CRPPA: variants seen among roughly 807,000 people sequenced by gnomAD.
The protein encoded by CRPPA is D-ribitol-5-phosphate cytidylyltransferase.
CRPPA carries 43 observed loss-of-function variants against 52.0 expected under a neutral mutation model. The observed-to-expected ratio is 0.83, with a 90% confidence interval of 0.65 to 1.07. The LOEUF is 1.07. CRPPA is among the 50% of genes least tolerant of loss of function. CRPPA has a pLI of 0.00. For synonymous variants in CRPPA, 250 were observed against 203.5 expected (o/e 1.23, Z -1.94); for missense variants, 629 against 551.7 (o/e 1.14, Z -1.40).
chr7:16,286,944 A>C (rs1463268535), intron 5 of CRPPA, among the ~76,000 whole-genome samples: 1 of 152,198 alleles, frequency 6.6e-6, no homozygotes, highest in Non-Finnish European at 1.5e-5. Context: ...ATATCTATGC[A>C]TTATGCACCA....
intron 8 of CRPPA, among the ~76,000 whole-genome samples, chr7:16,254,653 G>A (rs1303575013): frequency 1.3e-5 from 2 of 151,694 alleles, no homozygotes; most frequent in Non-Finnish European, 2.9e-5. Context: ...CGAGTTACTG[G>A]TTACAGCATA....
intron 3 of CRPPA, among the ~76,000 whole-genome samples, chr7:16,325,457 C>T (rs1785361662): frequency 1.3e-5 from 2 of 152,108 alleles, no homozygotes; most frequent in Non-Finnish European, 2.9e-5. Flanking sequence ...GTCTCTTTTC[C>T]TTGCAAACAC....
intron 3 of CRPPA, among the ~76,000 whole-genome samples, chr7:16,334,694 A>T (rs376743597): frequency 2.0e-4 from 31 of 152,268 alleles, no homozygotes; most frequent in African/African-American, 7.5e-4. Context: ...TGAGCCAGTG[A>T]TCTTACCAGA....
intron 3 of CRPPA, among the ~76,000 whole-genome samples, chr7:16,336,696 G>C: frequency 6.6e-6 from 1 of 151,994 alleles, no homozygotes; most frequent in East Asian, 1.9e-4. Context: ...AGGCAAAAGT[G>C]GTTGGAGTAA....
intron 1 of CRPPA, among the ~76,000 whole-genome samples, chr7:16,410,601 T>C (rs187634146): frequency 5.3e-4 from 80 of 152,262 alleles, no homozygotes; most frequent in Non-Finnish European, 8.8e-4. Context: ...ATGATCTTTC[T>C]CAAGCACAAA....
At chr7:16,118,581 A>G (rs1385246754) in intron 9 of CRPPA, among the ~76,000 whole-genome samples, 2 of 152,206 alleles carry the variant, frequency 1.3e-5, no homozygotes, top group African/African-American at 4.8e-5. Flanking sequence ...AGCACAAGTG[A>G]GATAATCTGT....
At chr7:16,289,732 G>A (rs2128420499) in intron 5 of CRPPA, among the ~76,000 whole-genome samples, 1 of 152,234 alleles carries the variant, frequency 6.6e-6, no homozygotes, top group South Asian at 2.1e-4. Flanking sequence ...TATACTGAAT[G>A]GAGAAAAGCT....
intron 2 of CRPPA, among the ~76,000 whole-genome samples, chr7:16,383,028 C>T (rs142989474): frequency 0.012 from 1,779 of 152,356 alleles, 41 homozygotes; most frequent in African/African-American, 0.041. Context: ...TGTTCCATTG[C>T]TGGTGAGGAA....
intron 3 of CRPPA, among the ~76,000 whole-genome samples, chr7:16,353,418 C>T (rs976391363): frequency 1.3e-5 from 2 of 152,014 alleles, no homozygotes; most frequent in Non-Finnish European, 2.9e-5. Flanking sequence ...TGGTGGTTAC[C>T]AGAGGCTGGA....
intron 3 of CRPPA, among the ~76,000 whole-genome samples, chr7:16,349,824 G>A (rs1203807387): frequency 6.6e-6 from 1 of 151,704 alleles, no homozygotes; most frequent in Non-Finnish European, 1.5e-5. Flanking sequence ...GAAAACAGAA[G>A]AAACATAAAA....
chr7:16,420,603 C>T (rs1788304110), intron 1 of CRPPA, among the ~76,000 whole-genome samples: 1 of 152,200 alleles, frequency 6.6e-6, no homozygotes, highest in South Asian at 2.1e-4. Context: ...TTAGCGCAGC[C>T]TGTCTCACAG....
At position 16,254,851 on chromosome 7, in the gene CRPPA, GA is replaced by G. The variant is rs1562588926; in HGVS notation, c.1119+3538del. 7.0e-4 allele frequency among the ~76,000 whole-genome samples: 97 copies of G among 139,266 alleles called. 1 individual carries two copies. The highest frequency in any genetic ancestry group is 1.2e-3 in the Non-Finnish European group (80 of 64,264). The allele number at this position is 139,266 out of a possible 152,430, so 91.4% of individuals were successfully genotyped here. A position where few individuals can be genotyped will look rare whatever the true frequency, so the allele number is the denominator to read the frequency against. Reference sequence around the variant, plus strand: ...AAAGAAAGAAAGAAAGAAAGAGAAAGAAGAAAGAAAGAAAGAAAGAGGCAGG... The same window carrying G: ...AAAGAAAGAAAGAAAGAAAGAGAAAGAGAAAGAAAGAAAGAAAGAGGCAGG... On this transcript the variant is annotated intron_variant, in intron 8 of 9. Transcript: ENST00000407010.
rs529368734 is a variant in CRPPA, at chr7:16,221,622, G to C, written c.1120-5425C>G. ...AAGAAAAAAACAAACAACCCCATCA[G>C]AAAGTGGGCGAAGGACATGAACAGA... On this transcript the variant is annotated intron_variant, in intron 8 of 9. Transcript: ENST00000407010. 3.1e-3 allele frequency among the ~76,000 whole-genome samples: 468 copies of C among 151,690 alleles called. 1 individual carries two copies. Among genetic ancestry groups the C allele is most frequent in the African/African-American group, 0.011 (445 of 41,340 alleles).
intron 4 of CRPPA, among the ~76,000 whole-genome samples, chr7:16,305,230 A>C (rs1784882153): frequency 6.6e-6 from 1 of 152,194 alleles, no homozygotes; most frequent in African/African-American, 2.4e-5. Context: ...AGAAAGAGAA[A>C]ATAGGGACCC....
intron 9 of CRPPA, among the ~76,000 whole-genome samples, chr7:16,174,925 G>A (rs760501517): frequency 6.6e-6 from 1 of 152,132 alleles, no homozygotes; most frequent in African/African-American, 2.4e-5. Context: ...CCACTAACCT[G>A]CAGATATTTC....
intron 3 of CRPPA, among the ~76,000 whole-genome samples, chr7:16,344,328 G>C (rs1417441627): frequency 1.3e-5 from 2 of 149,184 alleles, no homozygotes; most frequent in East Asian, 2.0e-4. Context: ...GGCTTGGGGA[G>C]GCCAAGGCAG....
Position 16,421,052 on chromosome 7 carries a change from C to G in CRPPA, c.257+14G>C. 7.9e-7 allele frequency: 1 copy of G among 1,263,436 alleles called. No individual in the cohort carries two copies. Among genetic ancestry groups the G allele is most frequent in the Non-Finnish European group, 1.0e-6 (1 of 996,720 alleles). 78.3% of individuals were successfully genotyped at this position (1,263,436 alleles called of 1,614,324 possible). On this transcript the variant is annotated intron_variant, in intron 1 of 9. Transcript: ENST00000407010. ...GCCCCAGGGAACCGCGGGGCGCGCC[C>G]GGCGCCGCATTACCTCTCCAGGGCC...
At chr7:16,331,595 G>T (rs1296660767) in intron 3 of CRPPA, among the ~76,000 whole-genome samples, 4 of 152,264 alleles carry the variant, frequency 2.6e-5, no homozygotes, top group East Asian at 3.9e-4. Flanking sequence ...ACATACAAAG[G>T]ATTCCAGTAG....
chr7:16,385,034 C>T (rs1472377276), intron 2 of CRPPA, among the ~76,000 whole-genome samples: 4 of 151,958 alleles, frequency 2.6e-5, no homozygotes, highest in African/African-American at 4.8e-5. Context: ...CTATAATGAA[C>T]ATTTATAAAG....
Sources: allele counts gnomAD v4.1 joint callset (sites outside exome capture counted in the v4.1 genomes callset), GRCh38; gene constraint gnomAD v4.1.1; transcripts MANE v1.5; gene names NCBI Gene and HGNC (gene_info 2026-07-23, HGNC 2026-07-21).